The following TEX11 variants were observed in gnomAD, a reference collection of about 807,000 sequenced individuals.
TEX11 encodes testis-expressed protein 11.
A neutral mutation model predicts 84.4 loss-of-function variants in TEX11; 7 were observed. That is an observed-to-expected ratio of 0.08 (90% CI 0.05 to 0.16). The LOEUF (loss-of-function observed/expected upper bound fraction) is 0.16. Ranked by LOEUF, TEX11 falls within the 10% of genes least tolerant of loss-of-function variation. The probability of loss-of-function intolerance (pLI) is 1.00; values close to 1 mark genes in which losing one functional copy is unlikely to be tolerated. For synonymous variants in TEX11, 264 were observed against 222.8 expected (o/e 1.18, Z -1.64); for missense variants, 551 against 660.5 (o/e 0.83, Z 1.82).
chrX:70,547,299 G>A (rs2088143170), intron 28 of TEX11, among the ~76,000 whole-genome samples: 1 of 111,106 alleles, frequency 9.0e-6, no homozygotes, highest in African/African-American at 3.3e-5. Flanking sequence ...AAACTGGATT[G>A]TGGGAGGAAG....
At chrX:70,836,784 A>T (rs2091407754) in intron 7 of TEX11, among the ~76,000 whole-genome samples, 1 of 112,176 alleles carries the variant, frequency 8.9e-6, no homozygotes, top group African/African-American at 3.2e-5. Flanking sequence ...TGGGAGGCCT[A>T]GGTGGGTGGA....
At chrX:70,804,270 A>G (rs1041657687) in intron 9 of TEX11, among the ~76,000 whole-genome samples, 7 of 112,218 alleles carry the variant, frequency 6.2e-5, no homozygotes, top group Non-Finnish European at 1.1e-4. Context: ...CCCCACAACA[A>G]TTCTAAATAA....
At chrX:70,797,754 A>G (rs187764889) in intron 9 of TEX11, among the ~76,000 whole-genome samples, 2 of 105,943 alleles carry the variant, frequency 1.9e-5, no homozygotes, top group Admixed American at 2.1e-4. Context: ...GATAAAAATC[A>G]TATAGTCATC....
At chrX:70,669,179 GTTCT>G (rs1200029863) in intron 16 of TEX11, among the ~76,000 whole-genome samples, 4 of 111,607 alleles carry the variant, frequency 3.6e-5, no homozygotes, top group South Asian at 3.8e-4. Flanking sequence ...CTGGTACTGT[GTTCT>G]TTCTTTCTTT....
chrX:70,805,509 T>C (rs2091213961), intron 9 of TEX11, among the ~76,000 whole-genome samples: 1 of 110,375 alleles, frequency 9.1e-6, no homozygotes, highest in Non-Finnish European at 1.9e-5. Context: ...CAAGCGATTC[T>C]CCTGCCTCAG....
At chrX:70,559,720 G>A (rs2088338386) in intron 25 of TEX11, among the ~76,000 whole-genome samples, 1 of 112,056 alleles carries the variant, frequency 8.9e-6, no homozygotes, top group Non-Finnish European at 1.9e-5. Flanking sequence ...TCCATTGTAT[G>A]AACATACCAC....
At chrX:70,742,774 T>A (rs772181255) in intron 10 of TEX11, among the ~76,000 whole-genome samples, 9 of 110,527 alleles carry the variant, frequency 8.1e-5, no homozygotes, top group Non-Finnish European at 1.1e-4. Context: ...CCAGATGGAA[T>A]GCAGTGGCTA....
At chrX:70,637,633 C>A (rs2089591215) in intron 17 of TEX11, among the ~76,000 whole-genome samples, 2 of 111,758 alleles carry the variant, frequency 1.8e-5, no homozygotes, top group Admixed American at 1.9e-4. Context: ...GAGCTGGAAG[C>A]CATTATCCTC....
At chrX:70,573,787 T>A (rs1281744063) in intron 25 of TEX11, among the ~76,000 whole-genome samples, 4 of 111,881 alleles carry the variant, frequency 3.6e-5, no homozygotes, top group Non-Finnish European at 7.5e-5. Flanking sequence ...AGAATGACCT[T>A]TCCAGTTATG....
chrX:70,725,752 G>T (rs1317104313), intron 11 of TEX11, among the ~76,000 whole-genome samples: 1 of 112,004 alleles, frequency 8.9e-6, no homozygotes, highest in East Asian at 2.8e-4. Flanking sequence ...CATAAGATAT[G>T]CCTGTCGTGT....
In TEX11 at chrX:70,760,947, A is replaced by G. The variant is rs766676750; in HGVS notation, c.693-16728T>C. 5.3e-5 allele frequency among the ~76,000 whole-genome samples: 6 copies of G among 112,284 alleles called. No homozygotes were observed. The East Asian group carries it at 1.7e-3, about 31-fold the overall frequency. On this transcript the variant is annotated intron_variant, in intron 9 of 29. Transcript: ENST00000374333. ...CAACAACCCCATGAAAAAGTAGGCA[A>G]AGGATATGAACAGACACTTCTCAAA...
Position 70,705,642 on chromosome X carries a change from G to T in TEX11, c.1004+16976C>A, listed in dbSNP as rs1235185507. On this transcript the variant is annotated intron_variant, in intron 13 of 29. Coordinates refer to ENST00000374333, the MANE Select transcript of TEX11 (RefSeq NM_031276.3). ...AAAACAAACAACCCCATCAAAAAGT[G>T]GGCAAAGGATATGAGCAGACACTTC... Among the ~76,000 whole-genome samples the T allele has an allele frequency of 3.6e-5, 4 of 111,659 alleles. No homozygotes were observed. In the South Asian group the frequency reaches 1.5e-3, roughly 42 times the overall value.
At chrX:70,557,469 CA>C (rs66649112) in intron 25 of TEX11, among the ~76,000 whole-genome samples, 7,845 of 88,955 alleles carry the variant, frequency 0.088, 768 homozygotes, top group African/African-American at 0.29. Flanking sequence ...GACTCTGTCT[CA>C]AAAAAAAAAA....
chrX:70,675,203 T>G (rs2090060141), intron 15 of TEX11, among the ~76,000 whole-genome samples: 1 of 112,136 alleles, frequency 8.9e-6, no homozygotes, highest in Non-Finnish European at 1.9e-5. Context: ...GAAAAAAATC[T>G]TATCAATTAC....
chrX:70,827,165 G>A (rs1253075989), intron 8 of TEX11, among the ~76,000 whole-genome samples: 2 of 111,141 alleles, frequency 1.8e-5, no homozygotes, highest in African/African-American at 6.5e-5. Flanking sequence ...CACATCCTGG[G>A]CCAAAAGGGA....
At chrX:70,881,005 C>CAAAAAAAAAAAAA (rs11284342) in intron 2 of TEX11, among the ~76,000 whole-genome samples, 7 of 46,225 alleles carry the variant, frequency 1.5e-4, no homozygotes, top group African/African-American at 2.0e-4. Flanking sequence ...AGACATCATC[C>CAAAAAAAAAAAAA]AAAAAAAAAA....
chrX:70,747,211 C>T (rs1216080734), intron 9 of TEX11, among the ~76,000 whole-genome samples: 1 of 111,914 alleles, frequency 8.9e-6, no homozygotes, highest in Non-Finnish European at 1.9e-5. Context: ...AACATACATC[C>T]AGGAAAGGAT....
At chrX:70,621,033 C>T (rs776581465) in intron 20 of TEX11, among the ~76,000 whole-genome samples, 1 of 111,023 alleles carries the variant, frequency 9.0e-6, no homozygotes, top group African/African-American at 3.3e-5. Context: ...GAATGTACAA[C>T]ATCAAGAGTG....
At chrX:70,746,660 G>A (rs2090769533) in intron 9 of TEX11, among the ~76,000 whole-genome samples, 1 of 112,111 alleles carries the variant, frequency 8.9e-6, no homozygotes. Context: ...AACAGAGCAT[G>A]GAGAAGATCA....
Sources: allele counts gnomAD v4.1 joint callset (sites outside exome capture counted in the v4.1 genomes callset), GRCh38; gene constraint gnomAD v4.1.1; transcripts MANE v1.5; gene names NCBI Gene and HGNC (gene_info 2026-07-23, HGNC 2026-07-21).